The following XPC variants were observed in gnomAD, a reference collection of about 807,000 sequenced individuals.
The protein encoded by XPC is DNA repair protein complementing XP-C cells.
In XPC, 76 loss-of-function variants were observed where a neutral mutation model predicts 95.8. The observed-to-expected ratio is 0.79, with a 90% CI of 0.66 to 0.96. The LOEUF is 0.96. Among genes scored for constraint, XPC ranks in the 40% least tolerant of loss-of-function variants. XPC has a pLI of 0.00. For missense variants in XPC, 1,146 were observed against 1,179.8 expected (o/e 0.97, Z 0.42); for synonymous variants, 442 against 442.1 (o/e 1.00, Z 0.00).
chr3:14,150,167 G>T (rs1483027636), intron 11 of XPC, among the ~76,000 whole-genome samples: 1 of 152,220 alleles, frequency 6.6e-6, no homozygotes, highest in Non-Finnish European at 1.5e-5. Context: ...TCTTCCCTGG[G>T]GAGTGAAGTG....
chr3:14,164,959 T>C, intron 6 of XPC, 26 bp from the exon 7 acceptor site: 1 of 1,600,876 alleles, frequency 6.2e-7, no homozygotes. Flanking sequence ...GCATTCCTTG[T>C]GTCAGAGGTC....
rs1696059097 is a variant in XPC, at chr3:14,158,954, GA to G, written c.991-63del. The G allele has an allele frequency of 1.2e-6, 2 of 1,602,980 alleles. No homozygotes were observed. Among genetic ancestry groups the G allele is most frequent in the Non-Finnish European group, 1.7e-6 (2 of 1,175,348 alleles). The stretch of plus-strand genomic sequence containing the variant: ...CCCCTCTTTTGCTAATGATATGATA[GA>G]AATCCTGTAATCTAATAGGGTTAAG... On this transcript the variant is annotated intron_variant, in intron 8 of 15. Coordinates refer to ENST00000285021, the MANE Select transcript of XPC (RefSeq NM_004628.5). This position sits in a 1 kb window ranked among gnomAD's most constrained non-coding sequence, Gnocchi z 5.2.
chr3:14,165,932 C>T (rs897234755), intron 5 of XPC: 8 of 261,916 alleles, frequency 3.1e-5, no homozygotes, highest in East Asian at 9.5e-5. Flanking sequence ...GTTTGCTCCA[C>T]GAGATCAGAA....
At chr3:14,169,601 A>C (rs2733537) in intron 3 of XPC, among the ~76,000 whole-genome samples, 1 of 152,092 alleles carries the variant, frequency 6.6e-6, no homozygotes, top group Non-Finnish European at 1.5e-5. Context: ...GGATGCTTTC[A>C]TAACAATTGG....
chr3:14,173,589 T>C (rs1370642384), intron 1 of XPC, among the ~76,000 whole-genome samples: 1 of 152,230 alleles, frequency 6.6e-6, no homozygotes, highest in African/African-American at 2.4e-5. Flanking sequence ...ATGGCACTCA[T>C]ATACCAACCA....
At chr3:14,164,528 C>T in intron 7 of XPC, 1 of 287,472 alleles carries the variant, frequency 3.5e-6, no homozygotes, top group East Asian at 6.8e-5. Flanking sequence ...CACATCTGAC[C>T]AAAAACTACG....
At chr3:14,152,175 C>T (rs1383783360) in intron 11 of XPC, 160 bp downstream of exon 11, 1 of 578,124 alleles carries the variant, frequency 1.7e-6, no homozygotes, top group Non-Finnish European at 3.0e-6. Context: ...AAATGTTTCT[C>T]TCCTCCTTGA....
chr3:14,178,431 C>A (rs767101986), intron 1 of XPC, 35 bp downstream of exon 1: 1 of 1,570,916 alleles, frequency 6.4e-7, no homozygotes. Context: ...CCACCGGCGG[C>A]GTCTCCCGCG....
chr3:14,166,332 C>G (rs112802712), intron 5 of XPC, among the ~76,000 whole-genome samples: 2 of 152,134 alleles, frequency 1.3e-5, no homozygotes, highest in Non-Finnish European at 2.9e-5. Flanking sequence ...GAAAGGCACA[C>G]AGCTGTCTCG....
At chr3:14,149,060 A>C in intron 11 of XPC, 112 bp from the exon 12 acceptor site, 1 of 1,443,234 alleles carries the variant, frequency 6.9e-7, no homozygotes, top group Non-Finnish European at 9.4e-7. Context: ...CCCTCAGAAC[A>C]CACCTACCAG....
chr3:14,177,188 G>GA (rs1194438961), intron 1 of XPC, among the ~76,000 whole-genome samples: 40 of 151,814 alleles, frequency 2.6e-4, no homozygotes, highest in Admixed American at 7.9e-4. Flanking sequence ...TATATTTCGG[G>GA]AAAAAAAATA....
intron 8 of XPC, among the ~76,000 whole-genome samples, 168 bp downstream of exon 8, chr3:14,159,573 A>G (rs1157134112): frequency 6.6e-6 from 1 of 152,186 alleles, no homozygotes; most frequent in Non-Finnish European, 1.5e-5. Flanking sequence ...GCTGCTAGAT[A>G]CCCACTCACA....
chr3:14,173,351 A>G (rs1461166315), intron 1 of XPC, among the ~76,000 whole-genome samples: 1 of 152,250 alleles, frequency 6.6e-6, no homozygotes, highest in Non-Finnish European at 1.5e-5. Flanking sequence ...CTTAAATGTC[A>G]GCTAACCTCC....
rs1011569158 is a variant in XPC, at chr3:14,178,556, G to C, written c.13C>G (p.Arg5Gly). 2 of 1,613,096 alleles carry C rather than the reference G, an allele frequency of 1.2e-6. No homozygotes were observed. The highest frequency in any genetic ancestry group is 1.7e-5 in the Admixed American group (1 of 59,998). ...CCCCGCGGCTCCCCGCCGGCCGCGCGTTTCCGAGCCATGTTGCTTGTCTGG... is the reference window on the plus strand; with the variant it reads ...CCCCGCGGCTCCCCGCCGGCCGCGCCTTTCCGAGCCATGTTGCTTGTCTGG... MARK[R>G]AAGGEPRGRE... The change falls in exon 1 of 16, where the codon CGC becomes GGC. Residue 5 changes from arginine to glycine, a missense_variant. Transcript: ENST00000285021.
intron 7 of XPC, 113 bp downstream of exon 7, chr3:14,164,700 G>A (rs2125035392): frequency 9.1e-7 from 1 of 1,097,108 alleles, no homozygotes; most frequent in Admixed American, 2.7e-5. Context: ...GTCATTATGA[G>A]GACTGAATAA....
chr3:14,147,385 G>A lies in XPC; in HGVS notation c.2515-6C>T. On this transcript the variant is annotated splice_polypyrimidine_tract_variant and splice_region_variant and intron_variant, in intron 14 of 15. Coordinates refer to ENST00000285021, the MANE Select transcript of XPC (RefSeq NM_004628.5). ...AGAGCCCGCTTCTCCTTTTTCTGCA[G>A]GCAAAAATGAAGTGGGAGAAAAGTG... 2 of 1,600,704 alleles carry A rather than the reference G, an allele frequency of 1.2e-6. No homozygotes were observed. Among genetic ancestry groups the A allele is most frequent in the Non-Finnish European group, 1.7e-6 (2 of 1,173,872 alleles).
At position 14,158,975 on chromosome 3, in the gene XPC, G is replaced by A; in HGVS notation, c.991-83C>T. On this transcript the variant is annotated intron_variant, in intron 8 of 15. Transcript: ENST00000285021. The surrounding 1 kb of genome is among the most constrained non-coding windows in gnomAD (Gnocchi z 5.2). ...GATAGAAATCCTGTAATCTAATAGG[G>A]TTAAGTCACCAGCTAGAGAACCAAT... 1 of 1,562,602 alleles carries A rather than the reference G, an allele frequency of 6.4e-7. No individual in the cohort carries two copies. Among genetic ancestry groups the A allele is most frequent in the East Asian group, 2.2e-5 (1 of 44,538 alleles).
chr3:14,148,846 C>A lies in XPC; in HGVS notation c.2218G>T (p.Glu740Ter), dbSNP rs770308917. Residue 740 changes from glutamate (E) to a stop codon, truncating the protein, a stop_gained, in exon 12 of 16, where the codon GAG (glutamate) becomes TAG (stop). Coordinates refer to ENST00000285021, the MANE Select transcript of XPC (RefSeq NM_004628.5). LOFTEE classifies it high-confidence loss of function. ...TCCACGGCCACTGGGGGCTGATACTCCTCTGTCTGCCAGTAGCCAAACAGG... is the reference window on the plus strand; with the variant it reads ...TCCACGGCCACTGGGGGCTGATACTACTCTGTCTGCCAGTAGCCAAACAGG... Reference protein sequence around the residue: ...LGLFGYWQTEEYQPPVAVDGK... With the variant: ...LGLFGYWQTE The A allele has an allele frequency of 6.2e-7, 1 of 1,614,048 alleles. No individual in the cohort carries two copies. The highest frequency in any genetic ancestry group is 1.1e-5 in the South Asian group (1 of 91,090).
chr3:14,178,142 T>C (rs1405039950), intron 1 of XPC, among the ~76,000 whole-genome samples: 1 of 152,226 alleles, frequency 6.6e-6, no homozygotes, highest in Non-Finnish European at 1.5e-5. Context: ...TCCTGGTCCG[T>C]CCGTCTGTCT....
Sources: allele counts gnomAD v4.1 joint callset (sites outside exome capture counted in the v4.1 genomes callset), GRCh38; gene constraint gnomAD v4.1.1; non-coding constraint Gnocchi (gnomAD v3.1); transcripts MANE v1.5; gene names NCBI Gene and HGNC (gene_info 2026-07-23, HGNC 2026-07-21).